Variants in TRAFD1 observed in about 807,000 individuals in gnomAD.
The protein encoded by TRAFD1 is TRAF-type zinc finger domain-containing protein 1.
Under a neutral mutation model 65.3 loss-of-function variants are expected in TRAFD1, and 38 were observed. The ratio of observed to expected loss-of-function variants is 0.58; its 90% CI spans 0.45 to 0.76. The LOEUF is 0.76. Ranked by LOEUF, TRAFD1 falls within the 30% of genes least tolerant of loss-of-function variation. The pLI is 0.00. For synonymous variants in TRAFD1, 223 were observed against 257.2 expected (o/e 0.87, Z 1.27); for missense variants, 631 against 712.6 (o/e 0.89, Z 1.30).
At chr12:112,128,332 T>C (rs1246416436) in intron 1 of TRAFD1, among the ~76,000 whole-genome samples, 1 of 152,204 alleles carries the variant, frequency 6.6e-6, no homozygotes, top group African/African-American at 2.4e-5. Context: ...ATTAAGCATG[T>C]TGAACAAATG....
Position 112,152,065 on chromosome 12 carries a change from G to A in TRAFD1, c.1544G>A (p.Arg515His), listed in dbSNP as rs367748030. The A allele has an allele frequency of 5.0e-6, 8 of 1,614,032 alleles. No individual in the cohort carries two copies. The highest frequency in any genetic ancestry group is 2.7e-5 in the African/African-American group (2 of 74,924). The stretch of plus-strand genomic sequence containing the variant: ...GCCCCTGGGCACGTTTCAGTGATTC[G>A]CCCTCCTCAAAATCTCTACCCAGAA... ...AIAPGHVSVI[R>H]PPQNLYPENI... Residue 515 changes from arginine to histidine, a missense_variant, in exon 10 of 12, where the codon CGC becomes CAC. By Grantham distance (29) the Arg-to-His change is conservative. Transcript: ENST00000412615. The surrounding 1 kb of genome is among the most constrained non-coding windows in gnomAD (Gnocchi z 5.0).
Position 112,152,693 on chromosome 12 carries a change from A to C in TRAFD1, c.1693-42A>C. ...TCCAGGGGAGGAGTAATGCTTTTTCACTTTTTATGTAAAGCTTCGTTTGTG... is the reference window on the plus strand; with the variant it reads ...TCCAGGGGAGGAGTAATGCTTTTTCCCTTTTTATGTAAAGCTTCGTTTGTG... On this transcript the variant is annotated intron_variant, in intron 11 of 11. Coordinates refer to ENST00000412615, the MANE Select transcript of TRAFD1 (RefSeq NM_006700.3). The surrounding 1 kb of genome is among the most constrained non-coding windows in gnomAD (Gnocchi z 5.0). 6.2e-7 allele frequency: 1 copy of C among 1,613,490 alleles called. No individual in the cohort carries two copies. Among genetic ancestry groups the C allele is most frequent in the Non-Finnish European group, 8.5e-7 (1 of 1,179,828 alleles).
intron 5 of TRAFD1, chr12:112,141,811 AATAAGT>A: frequency 2.8e-6 from 1 of 361,170 alleles, no homozygotes; most frequent in Non-Finnish European, 5.1e-6. Flanking sequence ...TAATTCAGAA[AATAAGT>A]ATAAAATGTT....
At chr12:112,131,427 G>A (rs534411553) in intron 2 of TRAFD1, among the ~76,000 whole-genome samples, 1 of 152,248 alleles carries the variant, frequency 6.6e-6, no homozygotes, top group African/African-American at 2.4e-5. Context: ...TGAGTTAATG[G>A]AAAGCTAGTG....
chr12:112,144,964 TTACTC>T (rs2030197861), intron 6 of TRAFD1, among the ~76,000 whole-genome samples: 1 of 152,180 alleles, frequency 6.6e-6, no homozygotes, highest in Non-Finnish European at 1.5e-5. Context: ...CAAGCTCTAG[TTACTC>T]TACTTGGTAG....
chr12:112,142,109 G>A lies in TRAFD1; in HGVS notation c.664G>A (p.Glu222Lys). Residue 222 changes from glutamate (E) to lysine (K), a missense_variant, in exon 6 of 12, where the codon GAA becomes AAA. Physicochemically the swap from Glu to Lys is moderately conservative, Grantham distance 56. Coordinates refer to ENST00000412615, the MANE Select transcript of TRAFD1 (RefSeq NM_006700.3). ...TTCAGTTGAAGAACAAGAGAGGCAG[G>A]AAAGGAATAGAGGCCAACAGCCCCC... is the stretch of plus-strand genomic sequence containing the variant. ...NNLFEEQERQ[E>K]RNRGQQPPKE... The A allele has an allele frequency of 6.2e-7, 1 of 1,613,620 alleles. No homozygotes were observed. Among genetic ancestry groups the A allele is most frequent in the Non-Finnish European group, 8.5e-7 (1 of 1,179,722 alleles).
intron 7 of TRAFD1, among the ~76,000 whole-genome samples, chr12:112,147,819 T>C (rs1566051294): frequency 6.6e-6 from 1 of 152,030 alleles, no homozygotes; most frequent in East Asian, 1.9e-4. Flanking sequence ...TATAGCCAAG[T>C]GCCACCACGC....
chr12:112,145,461 T>C (rs1442373555), intron 6 of TRAFD1, 125 bp from the exon 7 acceptor site: 2 of 880,564 alleles, frequency 2.3e-6, no homozygotes, highest in African/African-American at 3.4e-5. Flanking sequence ...GCCCCACAAA[T>C]TGCTATCTAT....
In TRAFD1 at chr12:112,141,138, T is replaced by A; in HGVS notation, c.557T>A (p.Leu186Gln). 6.2e-7 allele frequency: 1 copy of A among 1,614,208 alleles called. No individual in the cohort carries two copies. Residue 186 changes from leucine to glutamine, a missense_variant, in exon 5 of 12, where the codon CTG (leucine) becomes CAG (glutamine). By Grantham distance (113) the Leu-to-Gln change is moderately radical. Coordinates refer to ENST00000412615, the MANE Select transcript of TRAFD1 (RefSeq NM_006700.3). ...DPPMRLPRRP[L>Q]RAFESDVFHN... ...CCCATGAGGCTGCCGCGAAGGCCCC[T>A]GAGAGCCTTTGAATCAGATGTTTTC... is the stretch of plus-strand genomic sequence containing the variant.
chr12:112,135,736 C>T (rs2079595973), intron 4 of TRAFD1, among the ~76,000 whole-genome samples: 1 of 150,944 alleles, frequency 6.6e-6, no homozygotes, highest in Non-Finnish European at 1.5e-5. Flanking sequence ...ACCTGGATAA[C>T]ATGCTATTTA....
Position 112,151,990 on chromosome 12 carries a change from A to C in TRAFD1, c.1469A>C (p.Asp490Ala), listed in dbSNP as rs772340471. ...SPCVPKLSNS[D>A]SQDIQGRNRD... Reference sequence around the variant, plus strand: ...TGTGTGCCGAAGCTCAGCAACTCAGACAGCCAGGACATCCAGGGGCGGAAT... The same window carrying C: ...TGTGTGCCGAAGCTCAGCAACTCAGCCAGCCAGGACATCCAGGGGCGGAAT... The change falls in exon 10 of 12, where the codon GAC becomes GCC. Residue 490 changes from aspartate (D) to alanine (A), a missense_variant. Coordinates refer to ENST00000412615, the MANE Select transcript of TRAFD1 (RefSeq NM_006700.3). The C allele has an allele frequency of 2.7e-5, 44 of 1,614,114 alleles. No homozygotes were observed. The highest frequency in any genetic ancestry group is 3.2e-5 in the Non-Finnish European group (38 of 1,180,048).
rs2079561569 is a variant in TRAFD1, at chr12:112,130,347, T to G, written c.-12-164T>G. On this transcript the variant is annotated intron_variant, in intron 1 of 11. Transcript: ENST00000412615. This position sits in a 1 kb window ranked among gnomAD's most constrained non-coding sequence, Gnocchi z 4.4. ...CAATAAAATTATTTTAAATTGAAAATTTTAAAATAAGAAAATCCCAAGGGA... is the reference window on the plus strand; with the variant it reads ...CAATAAAATTATTTTAAATTGAAAAGTTTAAAATAAGAAAATCCCAAGGGA... The G allele has an allele frequency of 1.4e-5, 6 of 437,498 alleles. No individual in the cohort carries two copies. Among genetic ancestry groups the G allele is most frequent in the Non-Finnish European group, 2.4e-5 (6 of 246,704 alleles). The allele number at this position is 437,498 out of a possible 1,614,324, so 27.1% of individuals were successfully genotyped here. A position where few individuals can be genotyped will look rare whatever the true frequency, so the allele number is the denominator to read the frequency against.
chr12:112,143,729 G>GTTTTT (rs869247106), intron 6 of TRAFD1, among the ~76,000 whole-genome samples: 3 of 121,760 alleles, frequency 2.5e-5, no homozygotes, highest in Admixed American at 8.8e-5. Flanking sequence ...TCCCGCTTTG[G>GTTTTT]TTTTTTTTTT....
At chr12:112,126,366 T>G (rs565533961) in intron 1 of TRAFD1, among the ~76,000 whole-genome samples, 2 of 152,304 alleles carry the variant, frequency 1.3e-5, no homozygotes, top group South Asian at 4.1e-4. Context: ...AAGACTTTTC[T>G]GTGCCTCAAC....
In TRAFD1 at chr12:112,153,148, A is replaced by C. The variant is rs2030455409; in HGVS notation, c.*357A>C. 4.4e-6 allele frequency: 1 copy of C among 228,100 alleles called. No homozygotes were observed. Among genetic ancestry groups the C allele is most frequent in the Admixed American group, 5.2e-5 (1 of 19,340 alleles). The allele number at this position is 228,100 out of a possible 1,614,324, so 14.1% of individuals were successfully genotyped here. A position where few individuals can be genotyped will look rare whatever the true frequency, so the allele number is the denominator to read the frequency against. ...GGAAGATTTTGGAAACCTGGTAGCC[A>C]CCAGTAAGGTGATTCTCTGCCCTGT... On this transcript the variant is annotated 3_prime_UTR_variant, in exon 12 of 12. Transcript: ENST00000412615.
chr12:112,140,127 G>A, intron 4 of TRAFD1: 1 of 335,510 alleles, frequency 3.0e-6, no homozygotes, highest in Non-Finnish European at 5.9e-6. Context: ...AGGTACTTAA[G>A]ACTGAATTGG....
At chr12:112,149,952 T>C in intron 9 of TRAFD1, 81 bp downstream of exon 9, 1 of 1,561,222 alleles carries the variant, frequency 6.4e-7, no homozygotes, top group South Asian at 1.2e-5. Context: ...TCCACTGCTC[T>C]AATGTGGGGA....
intron 4 of TRAFD1, among the ~76,000 whole-genome samples, chr12:112,135,764 G>A (rs1273297087): frequency 6.6e-6 from 1 of 151,108 alleles, no homozygotes; most frequent in Non-Finnish European, 1.5e-5. Flanking sequence ...AAATTCCTCA[G>A]CATTTGGTGA....
chr12:112,133,465 G>GT (rs1259732537), intron 2 of TRAFD1: 2 of 152,162 alleles, frequency 1.3e-5, no homozygotes, highest in Admixed American at 6.6e-5. Flanking sequence ...GTGGTAGGGT[G>GT]TTTTTTCACT....
Sources: gnomAD v4.1 joint callset for allele counts (sites outside exome capture counted in the v4.1 genomes callset) on GRCh38, gnomAD v4.1.1 for gene constraint, Gnocchi (gnomAD v3.1) non-coding constraint, MANE v1.5 for transcripts, NCBI Gene and HGNC (gene_info 2026-07-23, HGNC 2026-07-21) for gene names.